The following DLGAP2 variants were observed in gnomAD, a reference collection of about 807,000 sequenced individuals.
DLGAP2 encodes the protein DLG associated protein 2.
In DLGAP2, 26 loss-of-function variants were observed where a neutral mutation model predicts 100.3. The ratio of observed to expected loss-of-function variants is 0.26; its 90% CI spans 0.19 to 0.36. The LOEUF (loss-of-function observed/expected upper bound fraction) is 0.36. DLGAP2 is among the 10% of genes least tolerant of loss of function. DLGAP2 has a pLI of 1.00. For missense variants in DLGAP2, 1,858 were observed against 1,453.2 expected, an observed-to-expected ratio of 1.28 and a Z score of -4.53; for synonymous variants, 886 against 630.1, an observed-to-expected ratio of 1.41 and a Z score of -6.08.
intron 6 of DLGAP2, among the ~76,000 whole-genome samples, chr8:1,603,490 G>A (rs1158692043): frequency 3.3e-5 from 5 of 151,574 alleles, no homozygotes; most frequent in Non-Finnish European, 5.9e-5. Flanking sequence ...TTAGAGTGGA[G>A]GATGGGTCTC....
At chr8:894,116 C>T (rs1169270327) in intron 1 of DLGAP2, among the ~76,000 whole-genome samples, 1 of 152,178 alleles carries the variant, frequency 6.6e-6, no homozygotes, top group Non-Finnish European at 1.5e-5. Context: ...GTGTGCGTCT[C>T]CCTCTCCCAT....
chr8:1,360,214 CCGGGGCGGGG>C (rs1801949180), intron 3 of DLGAP2, among the ~76,000 whole-genome samples: 1 of 109,866 alleles, frequency 9.1e-6, no homozygotes, highest in African/African-American at 3.6e-5. Flanking sequence ...CGGGGCTTTT[CCGGGGCGGGG>C]CTTCTCCGGG....
intron 2 of DLGAP2, among the ~76,000 whole-genome samples, chr8:1,081,429 G>A (rs1031906658): frequency 2.6e-5 from 4 of 152,200 alleles, no homozygotes; most frequent in African/African-American, 9.7e-5. Context: ...TTGGCTCACT[G>A]CAACCTTCAC....
chr8:1,206,304 C>G (rs1180165583), intron 2 of DLGAP2, among the ~76,000 whole-genome samples: 1 of 150,506 alleles, frequency 6.6e-6, no homozygotes, highest in Non-Finnish European at 1.5e-5. Context: ...AGCGGTTAAT[C>G]TCCAGGCATC....
At chr8:1,211,177 A>T (rs1449192574) in intron 2 of DLGAP2, among the ~76,000 whole-genome samples, 1 of 152,216 alleles carries the variant, frequency 6.6e-6, no homozygotes, top group Non-Finnish European at 1.5e-5. Flanking sequence ...CGTTCAGCAC[A>T]ACATTCTCAG....
chr8:781,074 A>T (rs1010160010), intron 1 of DLGAP2, among the ~76,000 whole-genome samples: 5 of 152,230 alleles, frequency 3.3e-5, no homozygotes, highest in African/African-American at 1.2e-4. Context: ...ATGTATAGAT[A>T]ACCCCTTTTT....
At chr8:1,200,630 G>C (rs1797850742) in intron 2 of DLGAP2, among the ~76,000 whole-genome samples, 1 of 152,188 alleles carries the variant, frequency 6.6e-6, no homozygotes, top group African/African-American at 2.4e-5. Context: ...ACTTGCGCTG[G>C]ACGGCAAACT....
chr8:1,083,773 A>T (rs1395233070), intron 2 of DLGAP2, among the ~76,000 whole-genome samples: 1 of 152,198 alleles, frequency 6.6e-6, no homozygotes, highest in Non-Finnish European at 1.5e-5. Flanking sequence ...ACAACGAGTT[A>T]TATAAGTTAG....
chr8:1,045,203 A>G (rs1802482836), intron 2 of DLGAP2, among the ~76,000 whole-genome samples: 1 of 152,220 alleles, frequency 6.6e-6, no homozygotes, highest in Admixed American at 6.5e-5. Context: ...CAATTCACCA[A>G]AATTCTCTGC....
chr8:776,512 A>G (rs903989781), intron 1 of DLGAP2, among the ~76,000 whole-genome samples: 4 of 152,146 alleles, frequency 2.6e-5, no homozygotes, highest in Non-Finnish European at 5.9e-5. Flanking sequence ...ACCTCTACAC[A>G]CTGCTTTGAA....
intron 3 of DLGAP2, among the ~76,000 whole-genome samples, chr8:1,315,287 G>A (rs1800707729): frequency 6.6e-6 from 1 of 150,642 alleles, no homozygotes; most frequent in Non-Finnish European, 1.5e-5. Flanking sequence ...TAAAAATAGA[G>A]CCTGTGCGAG....
intron 3 of DLGAP2, among the ~76,000 whole-genome samples, chr8:1,357,139 T>C (rs1214440303): frequency 3.3e-5 from 5 of 152,222 alleles, no homozygotes; most frequent in African/African-American, 1.2e-4. Flanking sequence ...GCAGAAGACG[T>C]GTGCTCTTCA....
intron 3 of DLGAP2, among the ~76,000 whole-genome samples, chr8:1,351,441 G>A (rs1417577722): frequency 2.2e-5 from 1 of 44,832 alleles, no homozygotes; most frequent in African/African-American, 6.4e-5. Flanking sequence ...TGGAAAGGCC[G>A]TGTGGGTCCT....
In DLGAP2 at chr8:1,705,554, C is replaced by G. The variant is rs1361712464; in HGVS notation, c.*4148C>G. 1 of 152,348 alleles carries G rather than the reference C, an allele frequency of 6.6e-6. No individual in the cohort carries two copies. 9.4% of individuals were successfully genotyped at this position (152,348 alleles called of 1,614,324 possible). A position where few individuals can be genotyped will look rare whatever the true frequency, so the allele number is the denominator to read the frequency against. On this transcript the variant is annotated 3_prime_UTR_variant, in exon 15 of 15. Transcript: ENST00000637795. ...AGCATTGTCCAAAACAGCGCTGGTT[C>G]GGGGAGGGCCCCTGGATACTGCCTT...
At chr8:809,026 C>A (rs1247927634) in intron 1 of DLGAP2, among the ~76,000 whole-genome samples, 1 of 151,732 alleles carries the variant, frequency 6.6e-6, no homozygotes, top group African/African-American at 2.4e-5. Flanking sequence ...GTTGCCTCAG[C>A]CTCCCAAGTA....
intron 2 of DLGAP2, among the ~76,000 whole-genome samples, chr8:955,073 G>T (rs1328713576): frequency 6.6e-6 from 1 of 151,774 alleles, no homozygotes; most frequent in East Asian, 1.9e-4. Flanking sequence ...GTCTCTGCTT[G>T]GCCAATATTG....
In DLGAP2 at chr8:1,707,499, C is replaced by T. The variant is rs1318443346; in HGVS notation, c.*6093C>T. 6.6e-6 allele frequency: 1 copy of T among 152,184 alleles called. No individual in the cohort carries two copies. Among genetic ancestry groups the T allele is most frequent in the Admixed American group, 6.5e-5 (1 of 15,276 alleles). 9.4% of individuals were successfully genotyped at this position (152,184 alleles called of 1,614,324 possible). ...AAGGGCTCAGCACGAATGTTCCCCTCACTCCACTTTTTAACTCGTTTGCTG... is the reference window on the plus strand; with the variant it reads ...AAGGGCTCAGCACGAATGTTCCCCTTACTCCACTTTTTAACTCGTTTGCTG... On this transcript the variant is annotated 3_prime_UTR_variant, in exon 15 of 15. Transcript: ENST00000637795.
At chr8:1,551,097 T>C (rs538291806) in intron 5 of DLGAP2, among the ~76,000 whole-genome samples, 7 of 152,234 alleles carry the variant, frequency 4.6e-5, no homozygotes, top group African/African-American at 4.8e-5. Flanking sequence ...CAGCTCTGTT[T>C]TGAAAGGAAA....
intron 3 of DLGAP2, among the ~76,000 whole-genome samples, chr8:1,304,790 C>T (rs73670723): frequency 0.013 from 1,980 of 152,238 alleles, 48 homozygotes; most frequent in African/African-American, 0.044. Flanking sequence ...ACTTGTAAAT[C>T]CATATTTTGT....
Sources: gnomAD v4.1 joint callset for allele counts (sites outside exome capture counted in the v4.1 genomes callset) on GRCh38, gnomAD v4.1.1 for gene constraint, MANE v1.5 for transcripts, NCBI Gene and HGNC (gene_info 2026-07-23, HGNC 2026-07-21) for gene names.